The following ACACA variants were observed in gnomAD, a reference collection of about 807,000 sequenced individuals.
The protein encoded by ACACA is acetyl-CoA carboxylase 1.
Under a neutral mutation model 296.1 loss-of-function variants are expected in ACACA, and 103 were observed. The observed-to-expected ratio is 0.35, with a 90% CI of 0.30 to 0.41. The LOEUF is 0.41. Among genes scored for constraint, ACACA ranks in the 10% least tolerant of loss-of-function variants. The pLI, the probability that ACACA is intolerant of heterozygous loss-of-function variation, is 1.00. For synonymous variants in ACACA, 953 were observed against 1,038.6 expected (o/e 0.92, Z 1.58); for missense variants, 1,554 against 2,989.7 (o/e 0.52, Z 11.20).
intron 1 of ACACA, chr17:37,392,253 C>G (rs2050914773): frequency 6.5e-6 from 1 of 153,502 alleles, no homozygotes; most frequent in Non-Finnish European, 1.5e-5. Flanking sequence ...CTACGCATTC[C>G]AAAAGCCTTC....
chr17:37,135,889 T>A (rs980048737), intron 45 of ACACA, among the ~76,000 whole-genome samples: 1 of 151,712 alleles, frequency 6.6e-6, no homozygotes, highest in African/African-American at 2.4e-5. Context: ...AGATTTCTGA[T>A]AAGTTAATTC....
intron 3 of ACACA, among the ~76,000 whole-genome samples, chr17:37,294,120 C>A (rs762108972): frequency 6.7e-6 from 1 of 149,236 alleles, no homozygotes; most frequent in African/African-American, 2.5e-5. Flanking sequence ...TACTCTCATT[C>A]GTTGAAAAAA....
intron 24 of ACACA, 127 bp from the exon 25 acceptor site, chr17:37,235,226 G>C (rs112779103): frequency 8.0e-7 from 1 of 1,246,382 alleles, no homozygotes; most frequent in East Asian, 2.4e-5. Flanking sequence ...GATTTTCTTG[G>C]ATGGATTTGT....
At chr17:37,111,481 C>A (rs2073968583) in intron 52 of ACACA, 50 bp downstream of exon 52, 1 of 1,420,792 alleles carries the variant, frequency 7.0e-7, no homozygotes, top group South Asian at 1.1e-5. Context: ...GCACTCATTA[C>A]AAATCAGCTG....
At chr17:37,274,324 G>A (rs1186805594) in intron 8 of ACACA, 25 bp from the exon 9 acceptor site, 1 of 1,576,948 alleles carries the variant, frequency 6.3e-7, no homozygotes, top group African/African-American at 1.3e-5. Flanking sequence ...AGCAACTTAG[G>A]GCAATTACAA....
intron 19 of ACACA, among the ~76,000 whole-genome samples, chr17:37,246,399 T>C (rs2080701451): frequency 6.6e-6 from 1 of 152,200 alleles, no homozygotes; most frequent in Non-Finnish European, 1.5e-5. Flanking sequence ...TTTTTCATTC[T>C]TATTTCCAAT....
intron 1 of ACACA, among the ~76,000 whole-genome samples, chr17:37,364,392 G>A (rs2049528344): frequency 6.6e-6 from 1 of 152,050 alleles, no homozygotes; most frequent in Admixed American, 6.6e-5. Flanking sequence ...TCAGGAGTTC[G>A]AGACCAGGCT....
At chr17:37,266,341 G>A (rs2081770829) in intron 10 of ACACA, among the ~76,000 whole-genome samples, 2 of 151,842 alleles carry the variant, frequency 1.3e-5, no homozygotes, top group Admixed American at 1.3e-4. Context: ...TTGAACCTGG[G>A]AGGTGGAGGT....
At chr17:37,318,411 T>C (rs2147093573) in intron 3 of ACACA, among the ~76,000 whole-genome samples, 2 of 152,224 alleles carry the variant, frequency 1.3e-5, no homozygotes, top group East Asian at 3.9e-4. Flanking sequence ...TGGCTAATGT[T>C]TGTATTTTTA....
At chr17:37,237,361 T>C (rs953214165) in intron 24 of ACACA, among the ~76,000 whole-genome samples, 3 of 152,230 alleles carry the variant, frequency 2.0e-5, no homozygotes, top group Admixed American at 6.5e-5. Context: ...TGTGTAATAG[T>C]TTCTCTAAAG....
chr17:37,191,508 T>C (rs2077749145), intron 37 of ACACA, among the ~76,000 whole-genome samples: 1 of 152,170 alleles, frequency 6.6e-6, no homozygotes, highest in Non-Finnish European at 1.5e-5. Context: ...ATCATTCCCT[T>C]CCAAGAGGTA....
chr17:37,267,421 G>A (rs1464776154), intron 10 of ACACA, among the ~76,000 whole-genome samples: 3 of 152,188 alleles, frequency 2.0e-5, no homozygotes, highest in Non-Finnish European at 2.9e-5. Context: ...TCACATGGTA[G>A]TCTGAGGGCT....
intron 1 of ACACA, among the ~76,000 whole-genome samples, chr17:37,394,220 T>C (rs2050996300): frequency 6.6e-6 from 1 of 152,026 alleles, no homozygotes; most frequent in Admixed American, 6.6e-5. Flanking sequence ...TTTTTCTTTT[T>C]TTTTTTTTGA....
chr17:37,357,921 A>C (rs1186733246), intron 1 of ACACA, among the ~76,000 whole-genome samples: 2 of 152,188 alleles, frequency 1.3e-5, no homozygotes, highest in African/African-American at 4.8e-5. Flanking sequence ...CTCAATCTAT[A>C]CTACCGAATT....
chr17:37,274,411 G>A lies in ACACA; in HGVS notation c.902-112C>T, dbSNP rs546238521. ...TATTTACCCAAAACTGAGAGTGGAT[G>A]GGAGAAAGAAGGATGCCATAAAACC... On this transcript the variant is annotated intron_variant, in intron 8 of 55. Coordinates refer to ENST00000616317, the MANE Select transcript of ACACA (RefSeq NM_198834.3). 29 of 1,111,496 alleles carry A rather than the reference G, an allele frequency of 2.6e-5. No individual in the cohort carries two copies. The African/African-American group carries it at 4.0e-4, about 15-fold the overall frequency. 68.9% of individuals were successfully genotyped at this position (1,111,496 alleles called of 1,614,324 possible).
At chr17:37,161,561 A>C (rs938960935) in intron 42 of ACACA, 1 of 609,632 alleles carries the variant, frequency 1.6e-6, no homozygotes, top group African/African-American at 1.8e-5. Context: ...AAGAAACAGC[A>C]ACCTGTTTTA....
intron 47 of ACACA, 110 bp downstream of exon 47, chr17:37,129,255 T>C (rs1479886193): frequency 1.4e-6 from 2 of 1,464,844 alleles, no homozygotes; most frequent in African/African-American, 1.4e-5. Flanking sequence ...TCTAGGTACT[T>C]ACCTCTGTTT....
chr17:37,398,890 A>G (rs2147842384), intron 1 of ACACA, among the ~76,000 whole-genome samples: 1 of 146,010 alleles, frequency 6.8e-6, no homozygotes, highest in South Asian at 2.2e-4. Context: ...GGCTTTCATC[A>G]TATCCTTATG....
intron 43 of ACACA, among the ~76,000 whole-genome samples, chr17:37,154,791 C>T (rs1159734460): frequency 6.6e-6 from 1 of 152,148 alleles, no homozygotes; most frequent in Admixed American, 6.5e-5. Flanking sequence ...AACACTGCGC[C>T]CAGCCAAGCA....
Sources: gnomAD v4.1 joint callset for allele counts (sites outside exome capture counted in the v4.1 genomes callset) on GRCh38, gnomAD v4.1.1 for gene constraint, MANE v1.5 for transcripts, NCBI Gene and HGNC (gene_info 2026-07-23, HGNC 2026-07-21) for gene names.